The following DPP10 variants were observed in gnomAD, a reference collection of about 807,000 sequenced individuals.
DPP10 encodes the protein inactive dipeptidyl peptidase 10.
A neutral mutation model predicts 120.9 loss-of-function variants in DPP10; 33 were observed. The ratio of observed to expected loss-of-function variants is 0.27; its 90% CI spans 0.21 to 0.37. DPP10 has a LOEUF of 0.37. DPP10 is among the 10% of genes least tolerant of loss of function. The pLI, the probability that DPP10 is intolerant of heterozygous loss-of-function variation, is 1.00. For synonymous variants in DPP10, 337 were observed against 326.1 expected (o/e 1.03, Z -0.36); for missense variants, 816 against 942.8 (o/e 0.87, Z 1.76).
chr2:114,769,239 C>A (rs1681027094), intron 1 of DPP10, among the ~76,000 whole-genome samples: 1 of 152,072 alleles, frequency 6.6e-6, no homozygotes, highest in Non-Finnish European at 1.5e-5. Context: ...GGCTGTTTTG[C>A]AGTGGATGTT....
intron 2 of DPP10, among the ~76,000 whole-genome samples, chr2:115,330,220 G>A (rs1031549554): frequency 6.6e-6 from 1 of 152,046 alleles, no homozygotes; most frequent in African/African-American, 2.4e-5. Context: ...GTGTCTTTTG[G>A]CTGCATAAAT....
intron 1 of DPP10, among the ~76,000 whole-genome samples, chr2:114,660,145 A>G (rs1393633936): frequency 6.6e-6 from 1 of 152,248 alleles, no homozygotes; most frequent in Admixed American, 6.5e-5. Context: ...GGAAGCTGGT[A>G]CAGGAGCCAA....
At chr2:115,806,716 C>A (rs1490692334) in intron 19 of DPP10, among the ~76,000 whole-genome samples, 2 of 152,120 alleles carry the variant, frequency 1.3e-5, no homozygotes, top group African/African-American at 2.4e-5. Flanking sequence ...TACGTACTCA[C>A]TACATTCCCA....
intron 3 of DPP10, among the ~76,000 whole-genome samples, chr2:115,451,893 T>C (rs1354082629): frequency 9.4e-5 from 1 of 10,670 alleles, no homozygotes; most frequent in African/African-American, 1.0e-4. Context: ...TTTGTGTGTG[T>C]GTGTGTGTCT....
chr2:115,394,474 AAAAAAAAAAG>A (rs1193189842), intron 3 of DPP10, among the ~76,000 whole-genome samples: 3 of 151,618 alleles, frequency 2.0e-5, no homozygotes, highest in Admixed American at 6.6e-5. Flanking sequence ...CTCACCAAAA[AAAAAAAAAAG>A]AAAAAAAAAG....
intron 1 of DPP10, among the ~76,000 whole-genome samples, chr2:114,526,718 G>A (rs892938244): frequency 3.9e-5 from 6 of 152,084 alleles, no homozygotes; most frequent in Non-Finnish European, 8.8e-5. Flanking sequence ...GAATGAGAGA[G>A]CCCTCTTGGG....
At chr2:115,630,010 C>T (rs2085710093) in intron 5 of DPP10, among the ~76,000 whole-genome samples, 1 of 152,124 alleles carries the variant, frequency 6.6e-6, no homozygotes, top group Admixed American at 6.6e-5. Flanking sequence ...TGGCCATTTT[C>T]ATAATATTGA....
intron 1 of DPP10, among the ~76,000 whole-genome samples, chr2:115,108,087 C>T (rs564834560): frequency 6.6e-6 from 1 of 152,218 alleles, no homozygotes; most frequent in South Asian, 2.1e-4. Flanking sequence ...TCACTTTCAC[C>T]AGCTTACTTT....
chr2:115,289,506 G>GAAAGAA (rs70941043), intron 1 of DPP10, among the ~76,000 whole-genome samples: 11 of 114,398 alleles, frequency 9.6e-5, no homozygotes, highest in African/African-American at 3.0e-4. Context: ...AAAAAAAAAG[G>GAAAGAA]AAGAAAAGAA....
intron 3 of DPP10, among the ~76,000 whole-genome samples, chr2:115,395,371 T>C (rs966331195): frequency 6.6e-6 from 1 of 152,192 alleles, no homozygotes; most frequent in Non-Finnish European, 1.5e-5. Flanking sequence ...TCTTTAAAGA[T>C]TCTGTCTCCA....
At chr2:114,725,499 C>T (rs774363471) in intron 1 of DPP10, among the ~76,000 whole-genome samples, 4 of 152,164 alleles carry the variant, frequency 2.6e-5, no homozygotes, top group East Asian at 1.9e-4. Flanking sequence ...AGGCAACATC[C>T]GATGATGCAA....
chr2:114,555,690 T>C (rs1688233955), intron 1 of DPP10, among the ~76,000 whole-genome samples: 1 of 152,154 alleles, frequency 6.6e-6, no homozygotes, highest in Non-Finnish European at 1.5e-5. Context: ...AGAAAAAATA[T>C]TTAAAGTGTA....
At chr2:115,323,115 C>T (rs2062150754) in intron 2 of DPP10, among the ~76,000 whole-genome samples, 1 of 152,154 alleles carries the variant, frequency 6.6e-6, no homozygotes. Context: ...ATTTTCTCCA[C>T]AATAGACCTT....
chr2:115,793,142 A>T (rs1268450295), intron 19 of DPP10, among the ~76,000 whole-genome samples: 1 of 152,160 alleles, frequency 6.6e-6, no homozygotes, highest in Non-Finnish European at 1.5e-5. Flanking sequence ...ACCAATTTGA[A>T]GACTTCTCTT....
intron 1 of DPP10, among the ~76,000 whole-genome samples, chr2:114,913,930 G>A (rs1044470176): frequency 2.6e-5 from 4 of 152,156 alleles, no homozygotes; most frequent in African/African-American, 9.7e-5. Flanking sequence ...ATTGTACAAT[G>A]CAATTGGAAG....
chr2:115,773,197 A>G (rs971041600), intron 13 of DPP10, among the ~76,000 whole-genome samples: 1 of 152,178 alleles, frequency 6.6e-6, no homozygotes, highest in Non-Finnish European at 1.5e-5. Flanking sequence ...TTTAAGCACT[A>G]CAATATTTCC....
intron 1 of DPP10, among the ~76,000 whole-genome samples, 167 bp from the exon 2 acceptor site, chr2:115,309,072 C>T (rs927521385): frequency 3.3e-5 from 5 of 151,996 alleles, no homozygotes; most frequent in African/African-American, 1.2e-4. Context: ...CAAAAGATAG[C>T]CATTTATAAT....
chr2:115,432,105 T>A (rs1254100044), intron 3 of DPP10, among the ~76,000 whole-genome samples: 1 of 152,100 alleles, frequency 6.6e-6, no homozygotes, highest in Non-Finnish European at 1.5e-5. Flanking sequence ...AGAAAAGGGA[T>A]TTCAAATTAT....
At chr2:115,037,493 A>C (rs1447898536) in intron 1 of DPP10, among the ~76,000 whole-genome samples, 1 of 152,224 alleles carries the variant, frequency 6.6e-6, no homozygotes, top group Non-Finnish European at 1.5e-5. Context: ...CGGCAGGCAA[A>C]AGAAACTAAA....
Sources: allele counts gnomAD v4.1 joint callset (sites outside exome capture counted in the v4.1 genomes callset), GRCh38; gene constraint gnomAD v4.1.1; transcripts MANE v1.5; gene names NCBI Gene and HGNC (gene_info 2026-07-23, HGNC 2026-07-21).